The following TNRC18 variants were observed in gnomAD, a reference collection of about 807,000 sequenced individuals.
TNRC18 encodes the protein trinucleotide repeat containing 18, also known as trinucleotide repeat-containing gene 18 protein.
A neutral mutation model predicts 226.7 loss-of-function variants in TNRC18; 69 were observed. That is an observed-to-expected ratio of 0.30 (90% CI 0.25 to 0.37). The LOEUF is 0.37. Ranked by LOEUF, TNRC18 falls within the 10% of genes least tolerant of loss-of-function variation. The pLI is 1.00. For synonymous variants in TNRC18, 2,449 were observed against 1,927.6 expected (o/e 1.27, Z -7.09); for missense variants, 4,754 against 4,256.6 (o/e 1.12, Z -3.25).
intron 24 of TNRC18, among the ~76,000 whole-genome samples, chr7:5,318,045 T>C (rs1186382783): frequency 1.3e-5 from 2 of 152,126 alleles, no homozygotes; most frequent in Non-Finnish European, 2.9e-5. Flanking sequence ...CTTATTTTTG[T>C]ATTTTTAATA....
intron 21 of TNRC18, among the ~76,000 whole-genome samples, 165 bp from the exon 22 acceptor site, chr7:5,321,355 C>G (rs576081146): frequency 6.6e-6 from 1 of 152,176 alleles, no homozygotes; most frequent in African/African-American, 2.4e-5. Flanking sequence ...TGTGTGTACC[C>G]GTGCAGACCT....
intron 16 of TNRC18, among the ~76,000 whole-genome samples, chr7:5,355,891 C>A (rs1159802518): frequency 1.3e-5 from 2 of 151,956 alleles, no homozygotes. Flanking sequence ...AAACGCACGG[C>A]ACAGTAGCTC....
chr7:5,391,857 A>T (rs1376184594), intron 3 of TNRC18, among the ~76,000 whole-genome samples: 2 of 129,978 alleles, frequency 1.5e-5, no homozygotes, highest in African/African-American at 5.0e-5. Flanking sequence ...AAAAAAATTT[A>T]AATAGTTTTT....
At chr7:5,418,380 G>A (rs1229067529) in intron 2 of TNRC18, among the ~76,000 whole-genome samples, 1 of 152,116 alleles carries the variant, frequency 6.6e-6, no homozygotes, top group African/African-American at 2.4e-5. Context: ...CCTCCATCTT[G>A]ACCCAAAAGG....
chr7:5,385,303 A>G (rs1285654959), intron 5 of TNRC18, among the ~76,000 whole-genome samples: 1 of 152,086 alleles, frequency 6.6e-6, no homozygotes, highest in African/African-American at 2.4e-5. Context: ...CCTGGCTAAC[A>G]AGGTGAAACC....
chr7:5,315,974 G>T lies in TNRC18; in HGVS notation c.6844C>A (p.Pro2282Thr), dbSNP rs1195809688. 1.3e-6 allele frequency: 2 copies of T among 1,596,342 alleles called. No homozygotes were observed. The highest frequency in any genetic ancestry group is 3.5e-5 in the Admixed American group (2 of 57,164). The change falls in exon 25 of 30, where the codon CCT (proline) becomes ACT (threonine). Residue 2282 changes from proline (P) to threonine (T), a missense_variant. By Grantham distance (38) the Pro-to-Thr change is conservative (BLOSUM62 -1). Transcript: ENST00000430969. The part of the protein sequence containing the change: ...IPLSHIRLLP[P>T]DYKIQCAEPS... ...CACTTACACTGTATCTTATAGTCAG[G>T]GGGCAGGAGGCGGATATGTGAGAGG...
At chr7:5,356,222 G>C (rs1157140228) in intron 16 of TNRC18, among the ~76,000 whole-genome samples, 13 of 151,474 alleles carry the variant, frequency 8.6e-5, no homozygotes, top group Admixed American at 8.6e-4. Flanking sequence ...ATGGCAGCAG[G>C]TTCCAGTGGG....
At chr7:5,375,517 A>G (rs1794573709) in intron 9 of TNRC18, among the ~76,000 whole-genome samples, 1 of 152,210 alleles carries the variant, frequency 6.6e-6, no homozygotes, top group African/African-American at 2.4e-5. Flanking sequence ...GCTAAGATTC[A>G]GACCCAGGGC....
chr7:5,361,937 G>T lies in TNRC18; in HGVS notation c.4492C>A (p.Gln1498Lys). ...AEVQRQYKEK[Q>K]RELVKLQRRR... ...CGCTGCAGCTTCACCAGCTCACGCT[G>T]CTTCTCCTTGTACTGGCGCTGCACC... Residue 1498 changes from glutamine to lysine, a missense_variant, in exon 13 of 30, where the codon CAG (glutamine) becomes AAG (lysine). Physicochemically the swap from Gln to Lys is moderately conservative, Grantham distance 53 (BLOSUM62 1). Transcript: ENST00000430969. 1 of 1,607,010 alleles carries T rather than the reference G, an allele frequency of 6.2e-7. No homozygotes were observed. The highest frequency in any genetic ancestry group is 8.5e-7 in the Non-Finnish European group (1 of 1,177,534).
rs777102640 is a variant in TNRC18, at chr7:5,313,186, T to TACTGCTGCC, written c.7696_7704dup (p.Gly2566_Ser2568dup). 7.7e-5 allele frequency: 119 copies of TACTGCTGCC among 1,538,996 alleles called. No individual in the cohort carries two copies. Among genetic ancestry groups the TACTGCTGCC allele is most frequent in the Middle Eastern group, 4.0e-4 (2 of 5,020 alleles). On this transcript the variant is annotated inframe_insertion, in exon 27 of 30. Transcript: ENST00000430969. ...CTGCTGCTGCTGCTGCTGCTGCTGCTACTGCTGCCACTACTGCTGCTGCTG... is the reference window on the plus strand; with the variant it reads ...CTGCTGCTGCTGCTGCTGCTGCTGCTACTGCTGCCACTGCTGCCACTACTGCTGCTGCTG...
intron 24 of TNRC18, among the ~76,000 whole-genome samples, chr7:5,319,858 C>T (rs529786347): frequency 6.6e-6 from 1 of 152,238 alleles, no homozygotes; most frequent in African/African-American, 2.4e-5. Context: ...GGGAAGCCAC[C>T]CTCCCATCTT....
Position 5,313,702 on chromosome 7 carries a change from T to C in TNRC18, c.7189A>G (p.Ser2397Gly). ...CTGGTGAAGGCGGGTGGTGCGGGAC[T>C]GGGCTGCGGCGGTGCCGGGCGCGCC... is the stretch of plus-strand genomic sequence containing the variant. ...PKARPAPPQP[S>G]PAPPAFTSCP... is the part of the protein sequence containing the mutation. The change falls in exon 27 of 30, where the codon AGT becomes GGT. Residue 2397 changes from serine to glycine, a missense_variant. Physicochemically the swap from Ser to Gly is moderately conservative, Grantham distance 56. Transcript: ENST00000430969. 2 of 1,597,466 alleles carry C rather than the reference T, an allele frequency of 1.3e-6. No homozygotes were observed. The highest frequency in any genetic ancestry group is 1.3e-5 in the African/African-American group (1 of 74,572).
At chr7:5,365,907 T>C (rs1384516331) in intron 11 of TNRC18, among the ~76,000 whole-genome samples, 1 of 152,020 alleles carries the variant, frequency 6.6e-6, no homozygotes, top group African/African-American at 2.4e-5. Context: ...CTATCTCTAC[T>C]AAAAATACAA....
chr7:5,312,044 G>A lies in TNRC18; in HGVS notation c.8388+459C>T, dbSNP rs1317031557. 6.6e-6 allele frequency among the ~76,000 whole-genome samples: 1 copy of A among 152,194 alleles called. No homozygotes were observed. Among genetic ancestry groups the A allele is most frequent in the East Asian group, 1.9e-4 (1 of 5,184 alleles). On this transcript the variant is annotated intron_variant, in intron 27 of 29. Coordinates refer to ENST00000430969, the MANE Select transcript of TNRC18 (RefSeq NM_001080495.3). This position sits in a 1 kb window ranked among gnomAD's most constrained non-coding sequence, Gnocchi z 6.3. ...CCAGCTACTTGGGAGGCTGACGCAG[G>A]AGAATTGCTTGAACCCGGGAGGCAG...
At chr7:5,349,610 G>A (rs1248778039) in intron 17 of TNRC18, among the ~76,000 whole-genome samples, 2 of 152,182 alleles carry the variant, frequency 1.3e-5, no homozygotes, top group South Asian at 2.1e-4. Flanking sequence ...ACGGAGCAAC[G>A]AGCCAGGCTC....
Position 5,370,560 on chromosome 7 carries a change from A to T in TNRC18, c.4034T>A (p.Leu1345Gln). The part of the protein sequence containing the change: ...LEDPLAGMNA[L>Q]AAAAELPQAR... ...CTGGGGCAGCTCCGCAGCTGCCGCC[A>T]GGGCGTTCATGCCAGCCAGTGGGTC... is the stretch of plus-strand genomic sequence containing the variant. Residue 1345 changes from leucine to glutamine, a missense_variant, in exon 11 of 30, where the codon CTG becomes CAG. Coordinates refer to ENST00000430969, the MANE Select transcript of TNRC18 (RefSeq NM_001080495.3). 6.2e-7 allele frequency: 1 copy of T among 1,611,218 alleles called. No homozygotes were observed. Among genetic ancestry groups the T allele is most frequent in the Non-Finnish European group, 8.5e-7 (1 of 1,178,928 alleles).
At chr7:5,367,838 G>C (rs1793760148) in intron 11 of TNRC18, among the ~76,000 whole-genome samples, 1 of 152,088 alleles carries the variant, frequency 6.6e-6, no homozygotes, top group Non-Finnish European at 1.5e-5. Context: ...CCTCCCAGTG[G>C]GGAGGGGGGC....
intron 2 of TNRC18, among the ~76,000 whole-genome samples, chr7:5,410,162 T>C (rs904864464): frequency 3.7e-4 from 55 of 148,964 alleles, no homozygotes; most frequent in Admixed American, 9.4e-4. Context: ...AATACAAAAA[T>C]TAGCCAGGCA....
intron 8 of TNRC18, 29 bp downstream of exon 8, chr7:5,376,818 C>T (rs1389182112): frequency 1.2e-6 from 2 of 1,603,310 alleles, no homozygotes; most frequent in South Asian, 1.1e-5. Flanking sequence ...CAGTCTGGCC[C>T]ATGGTGGCCA....
Sources: allele counts gnomAD v4.1 joint callset (sites outside exome capture counted in the v4.1 genomes callset), GRCh38; gene constraint gnomAD v4.1.1; non-coding constraint Gnocchi (gnomAD v3.1); transcripts MANE v1.5; gene names NCBI Gene and HGNC (gene_info 2026-07-23, HGNC 2026-07-21).